EPM2A: variants seen among roughly 807,000 people sequenced by gnomAD.
EPM2A encodes laforin.
In EPM2A, 21 loss-of-function variants were observed where a neutral mutation model predicts 26.5. The observed-to-expected ratio is 0.79, with a 90% CI of 0.56 to 1.14. EPM2A has a LOEUF of 1.14. Ranked by LOEUF, EPM2A falls within the 50% of genes most tolerant of loss-of-function variation. EPM2A has a pLI of 0.00. For synonymous variants in EPM2A, 217 were observed against 177.6 expected, an observed-to-expected ratio of 1.22 and a Z score of -1.76; for missense variants, 458 against 440.8, an observed-to-expected ratio of 1.04 and a Z score of -0.35.
At chr6:145,491,225 G>C (rs1438908572) in intron 4 of EPM2A, 2 of 400,322 alleles carry the variant, frequency 5.0e-6, no homozygotes, top group Non-Finnish European at 9.5e-6. Flanking sequence ...GGTAGGAACT[G>C]GTGTGCAGGG....
intron 4 of EPM2A, among the ~76,000 whole-genome samples, chr6:145,480,439 A>T (rs1286940490): frequency 2.6e-5 from 4 of 152,108 alleles, no homozygotes; most frequent in African/African-American, 9.7e-5. Flanking sequence ...ATTAGACATG[A>T]GATTTGGGTA....
intron 2 of EPM2A, among the ~76,000 whole-genome samples, chr6:145,581,992 C>T (rs1030604963): frequency 6.6e-6 from 1 of 151,884 alleles, no homozygotes; most frequent in Non-Finnish European, 1.5e-5. Flanking sequence ...TTTTGTATTT[C>T]TCTGGGGTCA....
intron 2 of EPM2A, among the ~76,000 whole-genome samples, chr6:145,555,817 C>G (rs7757137): frequency 6.6e-6 from 1 of 152,034 alleles, no homozygotes; most frequent in Non-Finnish European, 1.5e-5. Context: ...TCATCTATTC[C>G]ACACACTCCC....
chr6:145,405,039 A>G (rs1412093927), intron 4 of EPM2A, among the ~76,000 whole-genome samples: 1 of 152,188 alleles, frequency 6.6e-6, no homozygotes, highest in Non-Finnish European at 1.5e-5. Context: ...CAAATTAAAT[A>G]TGACATTAAT....
intron 4 of EPM2A, among the ~76,000 whole-genome samples, chr6:145,395,683 C>T (rs929711221): frequency 6.6e-5 from 10 of 152,138 alleles, no homozygotes; most frequent in African/African-American, 1.4e-4. Flanking sequence ...TCCTTAACCC[C>T]GGCACCTTCT....
At chr6:145,526,520 G>T (rs1026187070) in intron 2 of EPM2A, among the ~76,000 whole-genome samples, 2 of 151,930 alleles carry the variant, frequency 1.3e-5, no homozygotes, top group Non-Finnish European at 2.9e-5. Flanking sequence ...ATTCAGTCTG[G>T]GGTGGGTGTC....
At chr6:145,430,603 G>A (rs77954125) in intron 4 of EPM2A, among the ~76,000 whole-genome samples, 18 of 148,062 alleles carry the variant, frequency 1.2e-4, no homozygotes, top group Non-Finnish European at 1.0e-4. Context: ...TCCATCTCAA[G>A]AAAAAAAAAA....
intron 2 of EPM2A, among the ~76,000 whole-genome samples, chr6:145,585,038 A>C (rs1387642600): frequency 1.3e-5 from 2 of 152,122 alleles, no homozygotes; most frequent in African/African-American, 4.8e-5. Flanking sequence ...ATATTGCTCT[A>C]CTGTCTTCTT....
intron 2 of EPM2A, among the ~76,000 whole-genome samples, chr6:145,508,515 C>A (rs1359127920): frequency 6.6e-6 from 1 of 151,980 alleles, no homozygotes; most frequent in African/African-American, 2.4e-5. Flanking sequence ...AGAAACAAGG[C>A]AAATCAATGA....
At chr6:145,731,640 G>A (rs995725730) in intron 1 of EPM2A, among the ~76,000 whole-genome samples, 3 of 152,148 alleles carry the variant, frequency 2.0e-5, no homozygotes, top group African/African-American at 7.2e-5. Context: ...TGGGGGTTGA[G>A]GGGAGGGAAC....
intron 2 of EPM2A, among the ~76,000 whole-genome samples, chr6:145,570,615 C>T (rs1780941879): frequency 6.6e-6 from 1 of 152,196 alleles, no homozygotes; most frequent in African/African-American, 2.4e-5. Context: ...TTGATGACTG[C>T]CTTCTTCTAC....
At chr6:145,444,122 C>G (rs1022812285) in intron 4 of EPM2A, among the ~76,000 whole-genome samples, 4 of 152,164 alleles carry the variant, frequency 2.6e-5, no homozygotes, top group African/African-American at 9.7e-5. Flanking sequence ...GCTTGCCTGA[C>G]TGCTCTGGCC....
chr6:145,528,446 T>C (rs1272530423), intron 2 of EPM2A, among the ~76,000 whole-genome samples: 1 of 152,158 alleles, frequency 6.6e-6, no homozygotes, highest in East Asian at 1.9e-4. Flanking sequence ...ACAATGCTCA[T>C]TTATCATTTC....
chr6:145,506,618 T>C (rs985222789), intron 2 of EPM2A, among the ~76,000 whole-genome samples: 1 of 152,062 alleles, frequency 6.6e-6, no homozygotes, highest in African/African-American at 2.4e-5. Flanking sequence ...AGTTTCCAAA[T>C]TGAATATATA....
intron 3 of EPM2A, chr6:145,628,942 C>T (rs1040895377): frequency 2.0e-5 from 3 of 152,308 alleles, no homozygotes; most frequent in Non-Finnish European, 4.4e-5. Context: ...ACAGAGTTTA[C>T]CAAGGACCAC....
At chr6:145,647,121 C>G (rs1451290516) in intron 2 of EPM2A, among the ~76,000 whole-genome samples, 1 of 152,202 alleles carries the variant, frequency 6.6e-6, no homozygotes, top group Non-Finnish European at 1.5e-5. Flanking sequence ...CGTTTTAAAG[C>G]ATAAAGCATG....
intron 2 of EPM2A, among the ~76,000 whole-genome samples, chr6:145,658,983 G>C (rs1389415387): frequency 6.6e-6 from 1 of 152,116 alleles, no homozygotes; most frequent in Middle Eastern, 3.2e-3. Flanking sequence ...AATGATATAA[G>C]AGGCGTTAGT....
chr6:145,504,796 G>A (rs1239930615), intron 2 of EPM2A, among the ~76,000 whole-genome samples: 1 of 8,086 alleles, frequency 1.2e-4, no homozygotes, highest in African/African-American at 5.6e-4. Context: ...ACATGCACAC[G>A]TATGTTTATT....
At chr6:145,676,256 C>A (rs987732824) in intron 2 of EPM2A, among the ~76,000 whole-genome samples, 3 of 152,184 alleles carry the variant, frequency 2.0e-5, no homozygotes, top group Non-Finnish European at 4.4e-5. Flanking sequence ...ATACCAGAAT[C>A]TCTGGGACAC....
Sources: gnomAD v4.1 joint callset for allele counts (sites outside exome capture counted in the v4.1 genomes callset) on GRCh38, gnomAD v4.1.1 for gene constraint, MANE v1.5 for transcripts, NCBI Gene and HGNC (gene_info 2026-07-23, HGNC 2026-07-21) for gene names.